The following KIAA1549 variants were observed in gnomAD, a reference collection of about 807,000 sequenced individuals.
KIAA1549 encodes the protein KIAA1549, also known as UPF0606 protein KIAA1549.
KIAA1549 carries 70 observed loss-of-function variants against 156.4 expected under a neutral mutation model. That is an observed-to-expected ratio of 0.45 (90% CI 0.37 to 0.55). The LOEUF (loss-of-function observed/expected upper bound fraction) is 0.55, where lower values mean the gene tolerates loss of function less well. Ranked by LOEUF, KIAA1549 falls within the 20% of genes least tolerant of loss-of-function variation. KIAA1549 has a pLI of 0.00. For synonymous variants in KIAA1549, 1,103 were observed against 1,066.4 expected (o/e 1.03, Z -0.67); for missense variants, 2,428 against 2,540.9 (o/e 0.96, Z 0.96).
chr7:138,876,572 T>A (rs955470811), intron 12 of KIAA1549: 1 of 152,216 alleles, frequency 6.6e-6, no homozygotes, highest in African/African-American at 2.4e-5. Flanking sequence ...TACTTAAAAA[T>A]CACACACTTG....
chr7:138,847,415 C>T (rs1396974318), intron 17 of KIAA1549, among the ~76,000 whole-genome samples: 1 of 152,146 alleles, frequency 6.6e-6, no homozygotes, highest in African/African-American at 2.4e-5. Flanking sequence ...AAAAGCAAAG[C>T]AAACCCCTCT....
intron 1 of KIAA1549, among the ~76,000 whole-genome samples, chr7:138,940,748 C>T (rs1006611968): frequency 4.8e-4 from 73 of 152,306 alleles, no homozygotes; most frequent in Non-Finnish European, 9.0e-4. Flanking sequence ...TTTTGATTTG[C>T]ATTTCTCTGA....
intron 1 of KIAA1549, among the ~76,000 whole-genome samples, chr7:138,969,100 G>A: frequency 6.6e-6 from 1 of 152,100 alleles, no homozygotes; most frequent in Non-Finnish European, 1.5e-5. Flanking sequence ...AACTCAAGGA[G>A]GCTCCAGTGT....
At chr7:138,839,327 A>G (rs1383890867) in intron 19 of KIAA1549, among the ~76,000 whole-genome samples, 2 of 152,236 alleles carry the variant, frequency 1.3e-5, no homozygotes, top group African/African-American at 2.4e-5. Flanking sequence ...TATCCCCCCA[A>G]GATATACAGT....
rs1284648305 is a variant in KIAA1549, at chr7:138,917,800, G to C, written c.1826C>G (p.Ser609Cys). 6 of 1,586,230 alleles carry C rather than the reference G, an allele frequency of 3.8e-6. 1 individual carries two copies. In the Admixed American group the frequency reaches 9.1e-5, roughly 24 times the overall value. Reference sequence around the variant, plus strand: ...TCTGGGTTTATGCTCAGAAAAACTGGAACGTTCTTGGTCAGAGAAAAGTGA... The same window carrying C: ...TCTGGGTTTATGCTCAGAAAAACTGCAACGTTCTTGGTCAGAGAAAAGTGA... ...ESSLFSDQERSSFSEHKPRGA... is the reference protein window; with the variant it reads ...ESSLFSDQERCSFSEHKPRGA... Residue 609 changes from serine (S) to cysteine (C), a missense_variant, in exon 2 of 20, where the codon TCC becomes TGC. Around this residue, in one of 5 missense-constraint regions of KIAA1549, gnomAD observed 893 missense variants for 847.9 expected, o/e 1.05. Transcript: ENST00000422774.
chr7:138,947,785 C>G (rs752486566), intron 1 of KIAA1549, among the ~76,000 whole-genome samples: 14 of 151,752 alleles, frequency 9.2e-5, no homozygotes, highest in Admixed American at 9.2e-4. Context: ...ATTTTTAAGA[C>G]AGGGTCTCAC....
intron 1 of KIAA1549, among the ~76,000 whole-genome samples, chr7:138,969,723 G>C (rs1814159004): frequency 6.6e-6 from 1 of 152,064 alleles, no homozygotes; most frequent in South Asian, 2.1e-4. Flanking sequence ...CTCCCAAGTA[G>C]CTGGGATTAC....
intron 5 of KIAA1549, 72 bp downstream of exon 5, chr7:138,908,919 T>C: frequency 6.3e-7 from 1 of 1,576,030 alleles, no homozygotes; most frequent in Non-Finnish European, 8.7e-7. Context: ...GTTAAGCACA[T>C]CTTAAACAAT....
intron 1 of KIAA1549, among the ~76,000 whole-genome samples, chr7:138,920,454 A>C (rs1202267467): frequency 1.3e-5 from 2 of 148,370 alleles, no homozygotes; most frequent in Non-Finnish European, 3.0e-5. Flanking sequence ...CTCAATTGAC[A>C]TCACTTGGAT....
At chr7:138,952,581 C>A (rs865907120) in intron 1 of KIAA1549, among the ~76,000 whole-genome samples, 1 of 152,168 alleles carries the variant, frequency 6.6e-6, no homozygotes, top group African/African-American at 2.4e-5. Flanking sequence ...GAAGGGCTGA[C>A]GTGAATTCCC....
At chr7:138,894,276 A>C in intron 10 of KIAA1549, 66 bp downstream of exon 10, 1 of 1,506,656 alleles carries the variant, frequency 6.6e-7, no homozygotes, top group Non-Finnish European at 9.2e-7. Flanking sequence ...CAAGAGCCCA[A>C]ACTCATCCTA....
At chr7:138,926,716 TCTCCACCGCAAAATGTA>T (rs1284029162) in intron 1 of KIAA1549, among the ~76,000 whole-genome samples, 1 of 152,266 alleles carries the variant, frequency 6.6e-6, no homozygotes, top group East Asian at 1.9e-4. Context: ...TCCCCTTGTT[TCTCCACCGCAAAATGTA>T]CACCAATATC....
Position 138,881,563 on chromosome 7 carries a change from C to T in KIAA1549, c.4054G>A (p.Gly1352Ser). Residue 1352 changes from glycine to serine, a missense_variant, in exon 11 of 20, where the codon GGC becomes AGC. Transcript: ENST00000422774. ...RQKLQIPSVK[G>S]FDFAKQHLGQ... Reference sequence around the variant, plus strand: ...AGATGCTGCTTAGCAAAATCGAAGCCCTTCACACTAGGGATCTGCAGCTGA... The same window carrying T: ...AGATGCTGCTTAGCAAAATCGAAGCTCTTCACACTAGGGATCTGCAGCTGA... 1 of 1,613,410 alleles carries T rather than the reference C, an allele frequency of 6.2e-7. No individual in the cohort carries two copies. Among genetic ancestry groups the T allele is most frequent in the Non-Finnish European group, 8.5e-7 (1 of 1,179,628 alleles).
At chr7:138,862,417 T>A (rs1810612213) in intron 15 of KIAA1549, among the ~76,000 whole-genome samples, 2 of 149,122 alleles carry the variant, frequency 1.3e-5, no homozygotes, top group African/African-American at 5.0e-5. Context: ...GTCAGGAGAA[T>A]CTCCTAAGCC....
chr7:138,943,690 A>C (rs1178625337), intron 1 of KIAA1549, among the ~76,000 whole-genome samples: 2 of 152,140 alleles, frequency 1.3e-5, no homozygotes, highest in African/African-American at 4.8e-5. Context: ...TCTACTAAAA[A>C]TACAAAAATT....
chr7:138,925,961 G>T (rs1016633183), intron 1 of KIAA1549, among the ~76,000 whole-genome samples: 2 of 151,370 alleles, frequency 1.3e-5, no homozygotes, highest in Non-Finnish European at 2.9e-5. Context: ...AAGCCCCGCA[G>T]TCCACCTGGG....
intron 1 of KIAA1549, among the ~76,000 whole-genome samples, chr7:138,944,372 C>G (rs888474688): frequency 1.3e-5 from 2 of 152,132 alleles, no homozygotes; most frequent in Non-Finnish European, 2.9e-5. Context: ...AATTCATACC[C>G]ATAGGATGGC....
At chr7:138,867,868 T>C (rs1810796439) in intron 15 of KIAA1549, 107 bp downstream of exon 15, 2 of 1,233,908 alleles carry the variant, frequency 1.6e-6, no homozygotes, top group South Asian at 1.4e-5. Context: ...CAGGCACTGA[T>C]ACCACACAGG....
intron 14 of KIAA1549, 130 bp from the exon 15 acceptor site, chr7:138,868,258 C>T (rs1261316906): frequency 4.7e-6 from 4 of 846,810 alleles, no homozygotes; most frequent in Non-Finnish European, 7.4e-6. Flanking sequence ...GATATAAACG[C>T]CATGTACGAG....
Sources: gnomAD v4.1 joint callset for allele counts (sites outside exome capture counted in the v4.1 genomes callset) on GRCh38, gnomAD v4.1.1 for gene constraint, gnomAD v4.1.1 regional missense constraint, MANE v1.5 for transcripts, NCBI Gene and HGNC (gene_info 2026-07-23, HGNC 2026-07-21) for gene names.